LRTM3: variants seen among roughly 807,000 people sequenced by gnomAD.
LRTM3 encodes the protein leucine rich repeat transmembrane protein 3, also known as leucine-rich repeat transmembrane protein 3.
the LRTM3 span, chr13:102,747,037 A>G: frequency 1.9e-6 from 3 of 1,551,162 alleles, no homozygotes; most frequent in Non-Finnish European, 2.6e-6. Flanking sequence ...CATCAAGTCC[A>G]AGGTTGCAGC....
the LRTM3 span, chr13:102,738,830 T>C: frequency 6.4e-7 from 1 of 1,550,404 alleles, no homozygotes. Context: ...CTTTCCTCCT[T>C]TTTCTTTGAT....
the LRTM3 span, chr13:102,735,276 C>A: frequency 1.9e-6 from 3 of 1,551,244 alleles, no homozygotes; most frequent in Non-Finnish European, 2.6e-6. Flanking sequence ...TCCTTCTCTT[C>A]TTTCTGTAGC....
the LRTM3 span, chr13:102,747,202 G>T: frequency 1.3e-6 from 2 of 1,550,558 alleles, no homozygotes; most frequent in Non-Finnish European, 1.7e-6. Flanking sequence ...GGACTAGCTT[G>T]ATATGACTGT....
the LRTM3 span, chr13:102,744,577 T>G: frequency 6.4e-7 from 1 of 1,550,456 alleles, no homozygotes; most frequent in Non-Finnish European, 8.7e-7. Flanking sequence ...CTTGCTTTGT[T>G]TTTTGCACTA....
the LRTM3 span, chr13:102,739,140 T>C: frequency 1.9e-6 from 3 of 1,550,300 alleles, no homozygotes; most frequent in East Asian, 4.9e-5. Flanking sequence ...GCACAGAGTT[T>C]ATTCTGAACT....
At chr13:102,754,795 A>G in the LRTM3 span, among the ~76,000 whole-genome samples, 3 of 152,200 alleles carry the variant, frequency 2.0e-5, no homozygotes, top group Non-Finnish European at 4.4e-5. Flanking sequence ...AAAGAGTAAC[A>G]GTTCTAGAGC....
At chr13:102,737,682 C>A in the LRTM3 span, 1 of 1,550,564 alleles carries the variant, frequency 6.4e-7, no homozygotes, top group Non-Finnish European at 8.7e-7. Flanking sequence ...TCATCCTCTT[C>A]TTTCTGTTGC....
the LRTM3 span, chr13:102,758,953 A>C: frequency 7.2e-7 from 1 of 1,385,494 alleles, no homozygotes; most frequent in African/African-American, 1.5e-5. Context: ...TATGTGAAAG[A>C]GACTGGTGTC....
chr13:102,751,751 G>A, the LRTM3 span, among the ~76,000 whole-genome samples: 11 of 152,112 alleles, frequency 7.2e-5, no homozygotes, highest in Non-Finnish European at 1.2e-4. Context: ...AATCCATCAT[G>A]ATCTACCCAA....
At chr13:102,755,985 G>A in the LRTM3 span, among the ~76,000 whole-genome samples, 1 of 113,414 alleles carries the variant, frequency 8.8e-6, no homozygotes, top group Non-Finnish European at 1.9e-5. Flanking sequence ...CTTTTGAGCT[G>A]GAGTCGCTTC....
the LRTM3 span, chr13:102,740,416 T>C: frequency 6.5e-7 from 1 of 1,550,214 alleles, no homozygotes; most frequent in Non-Finnish European, 8.7e-7. Context: ...CTCCTTCTGA[T>C]AATGCTTCCT....
At chr13:102,732,443 C>T in the LRTM3 span, 12 of 1,551,006 alleles carry the variant, frequency 7.7e-6, no homozygotes, top group Non-Finnish European at 1.0e-5. Context: ...TTTCAGATCT[C>T]TTATTGTTAA....
the LRTM3 span, chr13:102,731,460 T>C: frequency 6.4e-6 from 10 of 1,551,516 alleles, no homozygotes. Flanking sequence ...AGCTTATTTT[T>C]TTCTTTGGGA....
At chr13:102,743,600 A>G in the LRTM3 span, 1 of 1,550,452 alleles carries the variant, frequency 6.4e-7, no homozygotes, top group Non-Finnish European at 8.7e-7. Context: ...TAAAACAGGC[A>G]TGAAGAAATC....
the LRTM3 span, chr13:102,730,996 T>G: frequency 6.4e-7 from 1 of 1,551,482 alleles, no homozygotes; most frequent in Non-Finnish European, 8.7e-7. Context: ...CTCTTACAAT[T>G]CTGGGAAAGG....
chr13:102,736,956 G>C, the LRTM3 span: 21 of 1,550,944 alleles, frequency 1.4e-5, no homozygotes, highest in Admixed American at 3.9e-5. Context: ...CCTGCTGTTC[G>C]TTTGTCTAAT....
the LRTM3 span, chr13:102,738,899 G>T: frequency 6.4e-7 from 1 of 1,550,526 alleles, no homozygotes; most frequent in Non-Finnish European, 8.7e-7. Flanking sequence ...TATTCTTTTG[G>T]AATGCATGAT....
At chr13:102,743,830 T>C in the LRTM3 span, 1 of 1,550,456 alleles carries the variant, frequency 6.4e-7, no homozygotes, top group Non-Finnish European at 8.7e-7. Context: ...TGAATATAAT[T>C]TCTTTTTCTG....
chr13:102,740,160 G>T, the LRTM3 span: 6 of 1,547,684 alleles, frequency 3.9e-6, no homozygotes, highest in Admixed American at 2.0e-5. Flanking sequence ...CTTAACTTGG[G>T]TGAGCTATTA....
Sources: allele counts gnomAD v4.1 joint callset (sites outside exome capture counted in the v4.1 genomes callset), GRCh38; gene constraint gnomAD v4.1.1; transcripts MANE v1.5; gene names NCBI Gene and HGNC (gene_info 2026-07-23, HGNC 2026-07-21).